RREB1: variants seen among roughly 807,000 people sequenced by gnomAD.
RREB1 encodes the protein ras responsive element binding protein 1.
In RREB1, 27 loss-of-function variants were observed where a neutral mutation model predicts 117.8. The ratio of observed to expected loss-of-function variants is 0.23; its 90% confidence interval spans 0.17 to 0.32. RREB1 has a LOEUF of 0.32. Ranked by LOEUF, RREB1 falls within the 10% of genes least tolerant of loss-of-function variation. RREB1 has a pLI of 1.00. For missense variants in RREB1, 2,577 were observed against 2,378.2 expected, an observed-to-expected ratio of 1.08 and a Z score of -1.74; for synonymous variants, 1,298 against 1,026.7, an observed-to-expected ratio of 1.26 and a Z score of -5.05.
Position 7,249,290 on chromosome 6 carries a change from AC to A in RREB1, c.*324del. On this transcript the variant is annotated 3_prime_UTR_variant, in exon 13 of 13. Coordinates refer to ENST00000379938, the MANE Select transcript of RREB1 (RefSeq NM_001003699.4). ...TATTATAATGAATTGTCTGGAGAGG[AC>A]CTCTTCATTTGAGCATTAGCGTTAT... is the stretch of plus-strand genomic sequence containing the variant. 3.2e-6 allele frequency: 1 copy of A among 311,440 alleles called. No individual in the cohort carries two copies. Among genetic ancestry groups the A allele is most frequent in the East Asian group, 5.3e-5 (1 of 18,712 alleles). The allele number at this position is 311,440 out of a possible 1,614,324, so 19.3% of individuals were successfully genotyped here. A position where few individuals can be genotyped will look rare whatever the true frequency, so the allele number is the denominator to read the frequency against.
rs569646684 is a variant in RREB1, at chr6:7,179,225, C to CT, written c.-165-1898dup. On this transcript the variant is annotated intron_variant, in intron 2 of 12. Transcript: ENST00000379938. The stretch of plus-strand genomic sequence containing the variant: ...ACCTGTTCCCAGACTTGAGCAAACT[C>CT]TAACTCTACCACATTTTTCTTTCCT... 1.2e-4 allele frequency among the ~76,000 whole-genome samples: 19 copies of CT among 152,308 alleles called. No individual in the cohort carries two copies. The South Asian group carries it at 3.5e-3, about 28-fold the overall frequency.
intron 11 of RREB1, among the ~76,000 whole-genome samples, chr6:7,240,912 G>T (rs1768668196): frequency 6.6e-6 from 1 of 152,096 alleles, no homozygotes; most frequent in African/African-American, 2.4e-5. Flanking sequence ...TTGGGAGGTG[G>T]GATGTATGGG....
At chr6:7,145,690 G>A (rs1432297480) in intron 1 of RREB1, among the ~76,000 whole-genome samples, 1 of 151,706 alleles carries the variant, frequency 6.6e-6, no homozygotes, top group African/African-American at 2.4e-5. Flanking sequence ...TTGGGAGATG[G>A]AGAGGGCCTG....
rs76430868 is a variant in RREB1 at position 7,229,758 on chromosome 6, A to T, written c.1659A>T (p.Ser553=). The T allele has an allele frequency of 6.2e-6, 10 of 1,605,142 alleles. No homozygotes were observed. The highest frequency in any genetic ancestry group is 7.7e-6 in the Non-Finnish European group (9 of 1,174,322). ...CGCCCCTGAAGCTCCTCAAAGGCTC[A>T]GTGGAGGCGGCCTCCAACGCCCACC... ...PPPPLKLLKG[S]VEAASNAHLL... is the part of the protein sequence containing the mutation. The change falls in exon 10 of 13, where the codon TCA becomes TCT. Residue 553 remains serine (S), a synonymous_variant. Coordinates refer to ENST00000379938, the MANE Select transcript of RREB1 (RefSeq NM_001003699.4). The surrounding 1 kb of genome is among the most constrained non-coding windows in gnomAD (Gnocchi z 4.5).
At chr6:7,118,700 A>G (rs911250348) in intron 1 of RREB1, among the ~76,000 whole-genome samples, 1 of 151,680 alleles carries the variant, frequency 6.6e-6, no homozygotes, top group Non-Finnish European at 1.5e-5. Flanking sequence ...AGGCTTCACA[A>G]CCTCCTGTCC....
intron 1 of RREB1, among the ~76,000 whole-genome samples, chr6:7,116,911 C>T (rs2113297057): frequency 6.6e-6 from 1 of 152,274 alleles, no homozygotes; most frequent in South Asian, 2.1e-4. Flanking sequence ...GAGAGATGGG[C>T]ACACAGATCA....
At chr6:7,130,929 C>CTTTTT (rs61305060) in intron 1 of RREB1, among the ~76,000 whole-genome samples, 3 of 45,718 alleles carry the variant, frequency 6.6e-5, no homozygotes, top group Non-Finnish European at 1.1e-4. Flanking sequence ...ATAGTCATGT[C>CTTTTT]TTTTTTTTTT....
chr6:7,190,841 T>A (rs979743086), intron 6 of RREB1, among the ~76,000 whole-genome samples: 8 of 152,214 alleles, frequency 5.3e-5, no homozygotes, highest in Admixed American at 4.6e-4. Flanking sequence ...CTAGAGGTAT[T>A]GCCTGTTCCC....
chr6:7,179,140 T>C (rs1242834123), intron 2 of RREB1, among the ~76,000 whole-genome samples: 2 of 152,250 alleles, frequency 1.3e-5, no homozygotes, highest in Non-Finnish European at 2.9e-5. Context: ...CCTTATTCAA[T>C]GATAGAATTA....
In RREB1 at chr6:7,229,630, C is replaced by A. The variant is rs1276267905; in HGVS notation, c.1531C>A (p.Pro511Thr). Reference sequence around the variant, plus strand: ...GCACATGCCCCCTCTGAAGCCAAAGCCCCTGGTCACACCACGGACGGTGGT... The same window carrying A: ...GCACATGCCCCCTCTGAAGCCAAAGACCCTGGTCACACCACGGACGGTGGT... ...FKHMPPLKPKPLVTPRTVVAT... is the reference protein window; with the variant it reads ...FKHMPPLKPKTLVTPRTVVAT... Residue 511 changes from proline to threonine, a missense_variant, in exon 10 of 13, where the codon CCC becomes ACC. Transcript: ENST00000379938. The surrounding 1 kb of genome is among the most constrained non-coding windows in gnomAD (Gnocchi z 4.5). 2 of 1,613,112 alleles carry A rather than the reference C, an allele frequency of 1.2e-6. No homozygotes were observed. The highest frequency in any genetic ancestry group is 1.7e-6 in the Non-Finnish European group (2 of 1,179,672).
intron 11 of RREB1, among the ~76,000 whole-genome samples, chr6:7,245,633 C>T (rs1768957039): frequency 6.6e-6 from 1 of 152,118 alleles, no homozygotes; most frequent in Non-Finnish European, 1.5e-5. Flanking sequence ...GTGGAATGGA[C>T]AGATAGGAAC....
In RREB1 at chr6:7,181,942, G is replaced by A. The variant is rs763473276; in HGVS notation, c.31G>A (p.Gly11Ser). 44 of 1,614,134 alleles carry A rather than the reference G, an allele frequency of 2.7e-5. No individual in the cohort carries two copies. Among genetic ancestry groups the A allele is most frequent in the Non-Finnish European group, 3.6e-5 (42 of 1,180,048 alleles). MTSSSPAGLE[G>S]SDLSSINTMM... The stretch of plus-strand genomic sequence containing the variant: ...GTCAAGTTCGCCCGCTGGCTTGGAA[G>A]GTTCAGACCTATCTTCCATCAACAC... Residue 11 changes from glycine (G) to serine (S), a missense_variant, in exon 4 of 13, where the codon GGT (glycine) becomes AGT (serine). By Grantham distance (56) the Gly-to-Ser change is moderately conservative (BLOSUM62 0). Coordinates refer to ENST00000379938, the MANE Select transcript of RREB1 (RefSeq NM_001003699.4).
At chr6:7,248,415 A>C (rs1356546852) in intron 12 of RREB1, 96 bp from the exon 13 acceptor site, 1 of 1,076,242 alleles carries the variant, frequency 9.3e-7, no homozygotes, top group Non-Finnish European at 1.4e-6. Flanking sequence ...GGCCCCCCGC[A>C]CATAGCCTGG....
intron 1 of RREB1, among the ~76,000 whole-genome samples, chr6:7,155,475 T>G (rs959170127): frequency 3.9e-5 from 6 of 152,206 alleles, no homozygotes; most frequent in Non-Finnish European, 7.4e-5. Flanking sequence ...CACACCCAGC[T>G]AATTTTCATA....
Position 7,238,878 on chromosome 6 carries a change from A to G in RREB1, c.3809-1560A>G, listed in dbSNP as rs116385982. Among the ~76,000 whole-genome samples, 720 of 152,318 alleles carry G rather than the reference A, an allele frequency of 4.7e-3. 5 individuals carry two copies. Among genetic ancestry groups the G allele is most frequent in the African/African-American group, 0.016 (646 of 41,558 alleles). On this transcript the variant is annotated intron_variant, in intron 10 of 12. Transcript: ENST00000379938. Reference sequence around the variant, plus strand: ...GGTCTTTTAGCTCAGGAGGGAATCAATGTCCCCTGTCTCTGATTATTACTC... The same window carrying G: ...GGTCTTTTAGCTCAGGAGGGAATCAGTGTCCCCTGTCTCTGATTATTACTC...
At chr6:7,156,464 C>T (rs562988555) in intron 1 of RREB1, among the ~76,000 whole-genome samples, 2 of 152,318 alleles carry the variant, frequency 1.3e-5, no homozygotes, top group South Asian at 2.1e-4. Flanking sequence ...GTGCTTTTTG[C>T]CTCTTAAGAG....
intron 1 of RREB1, among the ~76,000 whole-genome samples, chr6:7,133,104 A>G (rs1433878925): frequency 2.6e-5 from 4 of 152,178 alleles, no homozygotes; most frequent in Non-Finnish European, 5.9e-5. Context: ...CCTGTTTACA[A>G]TCGTAGAGCA....
chr6:7,225,827 T>TA (rs1311302122), intron 8 of RREB1, among the ~76,000 whole-genome samples: 1 of 152,148 alleles, frequency 6.6e-6, no homozygotes, highest in Non-Finnish European at 1.5e-5. Flanking sequence ...AGGGTCATGA[T>TA]ACGCACCTGC....
chr6:7,165,069 C>T (rs577815683), intron 1 of RREB1, among the ~76,000 whole-genome samples: 37 of 152,330 alleles, frequency 2.4e-4, no homozygotes, highest in Non-Finnish European at 4.1e-4. Flanking sequence ...TTCTCGGAAG[C>T]ATTGGCCTCT....
Sources: allele counts gnomAD v4.1 joint callset (sites outside exome capture counted in the v4.1 genomes callset), GRCh38; gene constraint gnomAD v4.1.1; non-coding constraint Gnocchi (gnomAD v3.1); transcripts MANE v1.5; gene names NCBI Gene and HGNC (gene_info 2026-07-23, HGNC 2026-07-21).